ZNF804A: variants seen among roughly 807,000 people sequenced by gnomAD.
ZNF804A encodes zinc finger protein 804A.
A neutral mutation model predicts 16.5 loss-of-function variants in ZNF804A; 2 were observed. The ratio of observed to expected loss-of-function variants is 0.12; its 90% CI spans 0.05 to 0.38. The LOEUF (loss-of-function observed/expected upper bound fraction) is 0.38, where lower values mean the gene tolerates loss of function less well. Among genes scored for constraint, ZNF804A ranks in the 10% least tolerant of loss-of-function variants. The pLI is 0.99. For missense variants in ZNF804A, 1,473 were observed against 1,390.7 expected, an observed-to-expected ratio of 1.06 and a Z score of -0.94; for synonymous variants, 534 against 489.6, an observed-to-expected ratio of 1.09 and a Z score of -1.20.
At chr2:184,884,695 C>T (rs1410666243) in intron 2 of ZNF804A, among the ~76,000 whole-genome samples, 1 of 151,912 alleles carries the variant, frequency 6.6e-6, no homozygotes, top group East Asian at 1.9e-4. Context: ...AAAATTAACT[C>T]AAGATGTATT....
chr2:184,700,212 A>T (rs1692898253), intron 1 of ZNF804A, among the ~76,000 whole-genome samples: 1 of 152,144 alleles, frequency 6.6e-6, no homozygotes, highest in Non-Finnish European at 1.5e-5. Flanking sequence ...CATTTTTGTT[A>T]GATGTCCAAC....
intron 1 of ZNF804A, among the ~76,000 whole-genome samples, chr2:184,710,340 C>A (rs76941724): frequency 0.018 from 2,744 of 151,598 alleles, 76 homozygotes; most frequent in African/African-American, 0.06. Flanking sequence ...TCCCAAGAAA[C>A]CATTCATTTA....
chr2:184,746,135 G>C (rs1315162187), intron 1 of ZNF804A, among the ~76,000 whole-genome samples: 4 of 151,150 alleles, frequency 2.6e-5, no homozygotes, highest in African/African-American at 9.7e-5. Flanking sequence ...GATAAAATCT[G>C]GATATGTGGT....
At chr2:184,705,637 T>C (rs1047429177) in intron 1 of ZNF804A, among the ~76,000 whole-genome samples, 1 of 152,168 alleles carries the variant, frequency 6.6e-6, no homozygotes, top group African/African-American at 2.4e-5. Context: ...AAGTGTACGT[T>C]TGTGCTACAT....
At chr2:184,851,677 A>G (rs182808477) in intron 1 of ZNF804A, among the ~76,000 whole-genome samples, 28 of 151,974 alleles carry the variant, frequency 1.8e-4, no homozygotes, top group African/African-American at 6.5e-4. Context: ...CAACATACCA[A>G]TTTCATTTCT....
chr2:184,888,313 C>T (rs1265191301), intron 2 of ZNF804A, among the ~76,000 whole-genome samples: 1 of 152,002 alleles, frequency 6.6e-6, no homozygotes, highest in Non-Finnish European at 1.5e-5. Context: ...TCCTAACCTC[C>T]ACCTCAAATT....
chr2:184,897,177 T>C (rs1685082297), intron 2 of ZNF804A, among the ~76,000 whole-genome samples: 2 of 152,090 alleles, frequency 1.3e-5, no homozygotes, highest in Non-Finnish European at 1.5e-5. Context: ...AAATGGGCTA[T>C]GTTTTGGGGG....
At chr2:184,733,936 T>C (rs1693566053) in intron 1 of ZNF804A, among the ~76,000 whole-genome samples, 2 of 152,092 alleles carry the variant, frequency 1.3e-5, no homozygotes, top group Non-Finnish European at 2.9e-5. Context: ...TAGAGACATA[T>C]CATTTTGTTG....
chr2:184,913,685 A>G (rs1214414090), intron 2 of ZNF804A, among the ~76,000 whole-genome samples: 1 of 152,166 alleles, frequency 6.6e-6, no homozygotes, highest in East Asian at 1.9e-4. Flanking sequence ...TAGATATCCA[A>G]GAAGTTGATT....
At chr2:184,653,976 C>T (rs1692033807) in intron 1 of ZNF804A, among the ~76,000 whole-genome samples, 1 of 152,172 alleles carries the variant, frequency 6.6e-6, no homozygotes, top group South Asian at 2.1e-4. Context: ...AGGAAACGGC[C>T]TTTCCCTAGT....
intron 1 of ZNF804A, among the ~76,000 whole-genome samples, chr2:184,668,192 G>T (rs1223956772): frequency 1.3e-5 from 2 of 151,766 alleles, no homozygotes; most frequent in African/African-American, 4.8e-5. Context: ...TATATTTATA[G>T]CATACAATGT....
chr2:184,700,138 A>G (rs567100102), intron 1 of ZNF804A, among the ~76,000 whole-genome samples: 3 of 152,250 alleles, frequency 2.0e-5, no homozygotes, highest in Non-Finnish European at 4.4e-5. Context: ...TTAATATTCT[A>G]AAGTCATATT....
At chr2:184,610,147 C>T (rs905459818) in intron 1 of ZNF804A, among the ~76,000 whole-genome samples, 6 of 152,228 alleles carry the variant, frequency 3.9e-5, no homozygotes, top group African/African-American at 9.6e-5. Context: ...AGTCCACTTG[C>T]GATGTGATGC....
At chr2:184,910,631 G>C (rs1027387168) in intron 2 of ZNF804A, among the ~76,000 whole-genome samples, 9 of 152,104 alleles carry the variant, frequency 5.9e-5, no homozygotes, top group African/African-American at 2.2e-4. Flanking sequence ...AGCCTTGCCA[G>C]AGGCTATTAT....
chr2:184,819,457 T>C (rs1348149795), intron 1 of ZNF804A, among the ~76,000 whole-genome samples: 1 of 151,424 alleles, frequency 6.6e-6, no homozygotes, highest in Non-Finnish European at 1.5e-5. Context: ...AATGCCCACA[T>C]CAAAAAGTTA....
chr2:184,632,609 C>T (rs1021809167), intron 1 of ZNF804A, among the ~76,000 whole-genome samples: 5 of 152,152 alleles, frequency 3.3e-5, no homozygotes, highest in African/African-American at 1.2e-4. Context: ...GTTGGCCAAG[C>T]TCAAGGGATC....
intron 1 of ZNF804A, among the ~76,000 whole-genome samples, chr2:184,828,528 A>T (rs1159761806): frequency 6.6e-6 from 1 of 151,762 alleles, no homozygotes; most frequent in African/African-American, 2.4e-5. Context: ...TCATTAAAAA[A>T]AAAGATTATA....
At chr2:184,765,321 C>T (rs1221933210) in intron 1 of ZNF804A, among the ~76,000 whole-genome samples, 1 of 152,122 alleles carries the variant, frequency 6.6e-6, no homozygotes, top group Non-Finnish European at 1.5e-5. Context: ...AGCACCCCTC[C>T]TGTCGTCTTA....
At chr2:184,789,650 T>A (rs983491425) in intron 1 of ZNF804A, among the ~76,000 whole-genome samples, 3 of 152,160 alleles carry the variant, frequency 2.0e-5, no homozygotes, top group African/African-American at 7.2e-5. Flanking sequence ...TCTCTGATGA[T>A]CTTTTGCATT....
Sources: allele counts gnomAD v4.1 joint callset (sites outside exome capture counted in the v4.1 genomes callset), GRCh38; gene constraint gnomAD v4.1.1; transcripts MANE v1.5; gene names NCBI Gene and HGNC (gene_info 2026-07-23, HGNC 2026-07-21).